ZNF493: variants seen among roughly 807,000 people sequenced by gnomAD.
The protein encoded by ZNF493 is zinc finger protein 493.
Under a neutral mutation model 12.2 loss-of-function variants are expected in ZNF493, and 11 were observed. That is an observed-to-expected ratio of 0.90 (90% confidence interval 0.57 to 1.50). The LOEUF is 1.50. ZNF493 is among the 40% of genes most tolerant of loss of function. The pLI is 0.00. For synonymous variants in ZNF493, 286 were observed against 302.6 expected, an observed-to-expected ratio of 0.95 and a Z score of 0.57; for missense variants, 950 against 906.6, an observed-to-expected ratio of 1.05 and a Z score of -0.61.
In ZNF493 at chr19:21,425,390, CT is replaced by C. The variant is rs2030828944; in HGVS notation, c.*408del. ...AATGTCTCAAAGCTTTTTACTGATT[CT>C]TATACCTTACTAAACATAAAATAAT... On this transcript the variant is annotated 3_prime_UTR_variant, in exon 4 of 4. Coordinates refer to ENST00000392288, the MANE Select transcript of ZNF493 (RefSeq NM_001076678.3). 1 of 421,482 alleles carries C rather than the reference CT, an allele frequency of 2.4e-6. No individual in the cohort carries two copies. The highest frequency in any genetic ancestry group is 3.5e-5 in the Admixed American group (1 of 28,424). The allele number at this position is 421,482 out of a possible 1,614,324, so 26.1% of individuals were successfully genotyped here.
chr19:21,407,185 T>C (rs1450464118), intron 3 of ZNF493, among the ~76,000 whole-genome samples: 3 of 152,122 alleles, frequency 2.0e-5, no homozygotes, highest in Non-Finnish European at 4.4e-5. Flanking sequence ...CCGTCTCTAC[T>C]GAAAATACAA....
At chr19:21,397,439 G>GCCAACAGC (rs1332197726) in intron 1 of ZNF493, 172 bp downstream of exon 1, 1 of 818,490 alleles carries the variant, frequency 1.2e-6, no homozygotes, top group African/African-American at 1.7e-5. Context: ...TGGCGGCTGC[G>GCCAACAGC]CCAACAGCCG....
intron 3 of ZNF493, chr19:21,407,922 C>A (rs757432411): frequency 8.6e-4 from 848 of 985,250 alleles, no homozygotes; most frequent in Non-Finnish European, 8.3e-4. Flanking sequence ...AAATGGCAAA[C>A]AACTCCTTAA....
Position 21,424,934 on chromosome 19 carries a change from CAT to C in ZNF493, c.2277_2278del (p.His759GlnfsTer10). On this transcript the variant is annotated frameshift_variant, in exon 4 of 4. Coordinates refer to ENST00000392288, the MANE Select transcript of ZNF493 (RefSeq NM_001076678.3). LOFTEE classifies it high-confidence loss of function. ...TAGGCGGTCTTCACATCTTAGTAGA[CAT>C]AAGATAATTCATATTGGAATTCATA... ...AFRRSSHLSRHKIIHIGIHTE... is the reference protein window; with the variant it reads ...AFRRSSHLSRXKIIHIGIHTE... 1.2e-6 allele frequency: 2 copies of C among 1,606,444 alleles called. No homozygotes were observed.
intron 3 of ZNF493, chr19:21,414,684 A>G (rs1363174305): frequency 6.6e-6 from 1 of 152,246 alleles, no homozygotes; most frequent in Non-Finnish European, 1.5e-5. Context: ...TAGGCATATC[A>G]AAAGCAGTCA....
chr19:21,403,679 T>C (rs531326432), intron 1 of ZNF493, among the ~76,000 whole-genome samples: 144 of 152,276 alleles, frequency 9.5e-4, no homozygotes, highest in African/African-American at 3.3e-3. Flanking sequence ...GCTAAATATG[T>C]CTCAGATGAA....
chr19:21,426,699 ACAC>A lies in ZNF493; in HGVS notation c.*1718_*1720del, dbSNP rs1339790473. ...ATTTTCAAAAACTACAGCTTAGAAA[ACAC>A]CAGAGTTTATACGAAAATATATTTT... On this transcript the variant is annotated 3_prime_UTR_variant, in exon 4 of 4. Coordinates refer to ENST00000392288, the MANE Select transcript of ZNF493 (RefSeq NM_001076678.3). The A allele has an allele frequency of 6.0e-6, 1 of 166,932 alleles. No individual in the cohort carries two copies. The allele number at this position is 166,932 out of a possible 1,614,324, so 10.3% of individuals were successfully genotyped here. A position where few individuals can be genotyped will look rare whatever the true frequency, so the allele number is the denominator to read the frequency against.
intron 1 of ZNF493, chr19:21,398,775 C>CAGCCAATCAGATGCTGGTA (rs1468111731): frequency 5.2e-6 from 1 of 191,226 alleles, no homozygotes; most frequent in African/African-American, 2.4e-5. Flanking sequence ...AATTGCTGGT[C>CAGCCAATCAGATGCTGGTA]AGCCAATCAG....
chr19:21,405,396 C>A, intron 2 of ZNF493, 141 bp downstream of exon 2: 3 of 1,468,126 alleles, frequency 2.0e-6, no homozygotes, highest in East Asian at 4.8e-5. Context: ...AAGAACTGTC[C>A]GTGTGGAAAA....
intron 1 of ZNF493, among the ~76,000 whole-genome samples, chr19:21,401,481 A>C (rs549545392): frequency 3.7e-4 from 56 of 152,024 alleles, no homozygotes; most frequent in Non-Finnish European, 6.9e-4. Context: ...ATGGGTTGGA[A>C]AGAAGTCCCT....
At chr19:21,410,952 C>T (rs2030306518) in intron 3 of ZNF493, among the ~76,000 whole-genome samples, 1 of 151,986 alleles carries the variant, frequency 6.6e-6, no homozygotes, top group African/African-American at 2.4e-5. Context: ...ATCACCATAC[C>T]CAGCTAATTT....
intron 3 of ZNF493, among the ~76,000 whole-genome samples, chr19:21,421,446 A>T (rs963946800): frequency 1.3e-4 from 19 of 151,948 alleles, no homozygotes; most frequent in African/African-American, 2.4e-4. Flanking sequence ...ACCCACCACA[A>T]CTTCCACCTC....
At chr19:21,402,690 C>G (rs1161131060) in intron 1 of ZNF493, among the ~76,000 whole-genome samples, 1 of 152,138 alleles carries the variant, frequency 6.6e-6, no homozygotes, top group Non-Finnish European at 1.5e-5. Flanking sequence ...TCTTAAAGCC[C>G]CCCTTTGAGA....
intron 3 of ZNF493, chr19:21,408,884 T>A: frequency 1.5e-6 from 1 of 677,706 alleles, no homozygotes; most frequent in Non-Finnish European, 1.8e-6. Context: ...TTTCTTTCTT[T>A]TTTTTTTTTT....
At chr19:21,421,537 G>A (rs1349863057) in intron 3 of ZNF493, among the ~76,000 whole-genome samples, 3 of 151,728 alleles carry the variant, frequency 2.0e-5, no homozygotes, top group African/African-American at 7.3e-5. Flanking sequence ...GACTAATTTT[G>A]TATTTTTAGT....
intron 1 of ZNF493, among the ~76,000 whole-genome samples, chr19:21,399,765 AG>A (rs2029883394): frequency 6.6e-6 from 1 of 152,150 alleles, no homozygotes; most frequent in South Asian, 2.1e-4. Context: ...CTTAGCTTTT[AG>A]AGTGCTGCCA....
Position 21,425,267 on chromosome 19 carries a change from C to A in ZNF493, c.*283C>A, listed in dbSNP as rs2030825434. ...AGAGAATTCATACCATAGAGAAATC[C>A]TACAAATATGAAGAATGTGACAAAG... On this transcript the variant is annotated 3_prime_UTR_variant, in exon 4 of 4. Coordinates refer to ENST00000392288, the MANE Select transcript of ZNF493 (RefSeq NM_001076678.3). 8.3e-6 allele frequency: 4 copies of A among 483,948 alleles called. 1 individual carries two copies. The South Asian group carries it at 8.9e-5, about 11-fold the overall frequency. 30.0% of individuals were successfully genotyped at this position (483,948 alleles called of 1,614,324 possible).
intron 3 of ZNF493, chr19:21,414,658 T>A (rs1347431056): frequency 6.6e-6 from 1 of 152,196 alleles, no homozygotes; most frequent in Non-Finnish European, 1.5e-5. Flanking sequence ...GTGTGAAGAA[T>A]CAGAAATCAC....
chr19:21,412,212 TTAAC>T (rs1264633941), intron 3 of ZNF493: 1 of 152,194 alleles, frequency 6.6e-6, no homozygotes, highest in African/African-American at 2.4e-5. Flanking sequence ...CTATAAAAGA[TTAAC>T]TAAAAGTATC....
Sources: allele counts gnomAD v4.1 joint callset (sites outside exome capture counted in the v4.1 genomes callset), GRCh38; gene constraint gnomAD v4.1.1; transcripts MANE v1.5; gene names NCBI Gene and HGNC (gene_info 2026-07-23, HGNC 2026-07-21).